The following ADAM23 variants were observed in gnomAD, a reference collection of about 807,000 sequenced individuals.
The protein encoded by ADAM23 is ADAM metallopeptidase domain 23.
Under a neutral mutation model 120.1 loss-of-function variants are expected in ADAM23, and 33 were observed. The observed-to-expected ratio is 0.27, with a 90% CI of 0.21 to 0.37. The LOEUF (loss-of-function observed/expected upper bound fraction) is 0.37, where lower values mean the gene tolerates loss of function less well. Ranked by LOEUF, ADAM23 falls within the 10% of genes least tolerant of loss-of-function variation. The pLI, the probability that ADAM23 is intolerant of heterozygous loss-of-function variation, is 1.00. For missense variants in ADAM23, 862 were observed against 1,058.2 expected, an observed-to-expected ratio of 0.81 and a Z score of 2.57; for synonymous variants, 367 against 375.2, an observed-to-expected ratio of 0.98 and a Z score of 0.25.
At chr2:206,491,549 C>T (rs1184537255) in intron 3 of ADAM23, among the ~76,000 whole-genome samples, 3 of 152,092 alleles carry the variant, frequency 2.0e-5, no homozygotes, top group African/African-American at 7.2e-5. Flanking sequence ...CTGAACTTGA[C>T]TCATTTTTTC....
intron 18 of ADAM23, among the ~76,000 whole-genome samples, chr2:206,582,917 A>G (rs1420802167): frequency 2.0e-5 from 3 of 152,174 alleles, no homozygotes; most frequent in Non-Finnish European, 1.5e-5. Context: ...CTGCTGAGAA[A>G]TCTGCTGTTA....
rs868000313 is a variant in ADAM23 at position 206,459,013 on chromosome 2, T to G, written c.432+13489T>G. On this transcript the variant is annotated intron_variant, in intron 2 of 25. Coordinates refer to ENST00000264377, the MANE Select transcript of ADAM23 (RefSeq NM_003812.4). ...TATGACAAGGAGATAAGATTTTGGT[T>G]TTTGCGTCTTAACAGTCTTAACCAA... is the stretch of plus-strand genomic sequence containing the variant. Among the ~76,000 whole-genome samples the G allele has an allele frequency of 9.8e-5, 15 of 152,338 alleles. 1 individual carries two copies. Among genetic ancestry groups the G allele is most frequent in the Middle Eastern group, 3.4e-3 (1 of 294 alleles).
intron 24 of ADAM23, among the ~76,000 whole-genome samples, chr2:206,599,754 G>A (rs995336935): frequency 1.3e-5 from 2 of 152,212 alleles, no homozygotes; most frequent in Admixed American, 1.3e-4. Context: ...AAATGAGATG[G>A]TGCATGCTAG....
chr2:206,482,258 A>G (rs1695912831), intron 3 of ADAM23, among the ~76,000 whole-genome samples: 1 of 152,214 alleles, frequency 6.6e-6, no homozygotes, highest in Admixed American at 6.5e-5. Flanking sequence ...GTCAGAATGA[A>G]TCAGCAGAAC....
At position 206,619,399 on chromosome 2, in the gene ADAM23, G is replaced by T. The variant is rs995781836; in HGVS notation, c.*1772G>T. 1 of 151,930 alleles carries T rather than the reference G, an allele frequency of 6.6e-6. No homozygotes were observed. The highest frequency in any genetic ancestry group is 6.6e-5 in the Admixed American group (1 of 15,256). 9.4% of individuals were successfully genotyped at this position (151,930 alleles called of 1,614,324 possible). The stretch of plus-strand genomic sequence containing the variant: ...TTAAGTAAATAAGCTGAAGAAATTT[G>T]GTCCCGGCTTTGTTTTAATGTACAA... On this transcript the variant is annotated 3_prime_UTR_variant, in exon 26 of 26. Coordinates refer to ENST00000264377, the MANE Select transcript of ADAM23 (RefSeq NM_003812.4).
At chr2:206,592,493 A>C in intron 21 of ADAM23, 124 bp from the exon 22 acceptor site, 1 of 1,247,602 alleles carries the variant, frequency 8.0e-7, no homozygotes, top group East Asian at 2.4e-5. Flanking sequence ...TATATGATCA[A>C]ATGTTTTTGT....
chr2:206,522,108 G>A (rs529315871), intron 3 of ADAM23, among the ~76,000 whole-genome samples: 1 of 151,400 alleles, frequency 6.6e-6, no homozygotes, highest in Admixed American at 6.6e-5. Context: ...TTATTCATAG[G>A]TTATATATAT....
intron 2 of ADAM23, among the ~76,000 whole-genome samples, chr2:206,477,893 AAAAAAT>A (rs1169512221): frequency 6.9e-4 from 70 of 101,446 alleles, no homozygotes; most frequent in African/African-American, 2.8e-3. Flanking sequence ...AAAAAAAAAA[AAAAAAT>A]ATATATATAT....
chr2:206,607,677 T>C (rs568557750), intron 24 of ADAM23, among the ~76,000 whole-genome samples: 1 of 152,326 alleles, frequency 6.6e-6, no homozygotes, highest in African/African-American at 2.4e-5. Flanking sequence ...TTTCTAAAGA[T>C]AGATTTGTTA....
intron 2 of ADAM23, among the ~76,000 whole-genome samples, chr2:206,475,805 G>T (rs528831901): frequency 7.2e-5 from 11 of 152,006 alleles, no homozygotes; most frequent in Middle Eastern, 6.8e-3. Context: ...TATATTCTAT[G>T]ACCTTTCTCC....
At chr2:206,573,766 T>C (rs1238002635) in intron 18 of ADAM23, among the ~76,000 whole-genome samples, 5 of 152,082 alleles carry the variant, frequency 3.3e-5, no homozygotes, top group Non-Finnish European at 7.4e-5. Flanking sequence ...TCACCACTTA[T>C]GATGCCGTGT....
At chr2:206,470,735 A>G (rs1695640164) in intron 2 of ADAM23, among the ~76,000 whole-genome samples, 1 of 152,200 alleles carries the variant, frequency 6.6e-6, no homozygotes, top group South Asian at 2.1e-4. Context: ...CCAAAGGGGT[A>G]GAATACAACC....
Position 206,472,615 on chromosome 2 carries a change from G to GGA in ADAM23, c.433-8617_433-8616insGA, listed in dbSNP as rs1553547877. Among the ~76,000 whole-genome samples the GGA allele has an allele frequency of 3.5e-5, 5 of 142,634 alleles. No individual in the cohort carries two copies. The South Asian group carries it at 6.8e-4, about 19-fold the overall frequency. The allele number at this position is 142,634 out of a possible 152,430, so 93.6% of individuals were successfully genotyped here. On this transcript the variant is annotated intron_variant, in intron 2 of 25. Coordinates refer to ENST00000264377, the MANE Select transcript of ADAM23 (RefSeq NM_003812.4). ...GACAAAGCGAGACTCCATCTCAGGGGAAAAAAAAAAAAAGAGTACCTCAAA... is the reference window on the plus strand; with the variant it reads ...GACAAAGCGAGACTCCATCTCAGGGGGAAAAAAAAAAAAAAGAGTACCTCAAA...
chr2:206,449,820 T>G (rs1574473568), intron 2 of ADAM23, among the ~76,000 whole-genome samples: 2 of 152,026 alleles, frequency 1.3e-5, no homozygotes, highest in Non-Finnish European at 2.9e-5. Context: ...CATGCTCCCT[T>G]AGGATTCTCG....
At chr2:206,580,419 A>G (rs1698200371) in intron 18 of ADAM23, among the ~76,000 whole-genome samples, 1 of 152,134 alleles carries the variant, frequency 6.6e-6, no homozygotes, top group Non-Finnish European at 1.5e-5. Context: ...GAGAGTTTTA[A>G]TGATAAAGGG....
At chr2:206,583,513 ATTGT>A (rs1432305181) in intron 18 of ADAM23, among the ~76,000 whole-genome samples, 2 of 149,892 alleles carry the variant, frequency 1.3e-5, no homozygotes, top group Non-Finnish European at 3.0e-5. Context: ...CTTTGGTTTG[ATTGT>A]TTAACATATC....
intron 2 of ADAM23, among the ~76,000 whole-genome samples, chr2:206,475,803 A>G (rs145471917): frequency 1.1e-3 from 175 of 152,244 alleles, no homozygotes; most frequent in Non-Finnish European, 1.8e-3. Flanking sequence ...TTTATATTCT[A>G]TGACCTTTCT....
chr2:206,500,552 C>T (rs1696366544), intron 3 of ADAM23, among the ~76,000 whole-genome samples: 1 of 152,144 alleles, frequency 6.6e-6, no homozygotes, highest in South Asian at 2.1e-4. Flanking sequence ...TATAATTTGA[C>T]TACTAGCTCT....
Position 206,444,691 on chromosome 2 carries a change from G to T in ADAM23, c.214+611G>T, listed in dbSNP as rs577103294. Among the ~76,000 whole-genome samples, 36 of 152,316 alleles carry T rather than the reference G, an allele frequency of 2.4e-4. 1 individual carries two copies. In the East Asian group the frequency reaches 6.2e-3, roughly 26 times the overall value. ...GGAAGTCACTGAAAGCAGAAAGCTG[G>T]CTTTGTCAGGAAAATAAAAAGAAAT... On this transcript the variant is annotated intron_variant, in intron 1 of 25. Transcript: ENST00000264377.
Sources: allele counts gnomAD v4.1 joint callset (sites outside exome capture counted in the v4.1 genomes callset), GRCh38; gene constraint gnomAD v4.1.1; transcripts MANE v1.5; gene names NCBI Gene and HGNC (gene_info 2026-07-23, HGNC 2026-07-21).